Variants in SLC1A2 observed in about 807,000 individuals in gnomAD.
The protein encoded by SLC1A2 is excitatory amino acid transporter 2.
A neutral mutation model predicts 48.8 loss-of-function variants in SLC1A2; 15 were observed. The ratio of observed to expected loss-of-function variants is 0.31; its 90% CI spans 0.21 to 0.47. The LOEUF (loss-of-function observed/expected upper bound fraction) is 0.47, where lower values mean the gene tolerates loss of function less well. Among genes scored for constraint, SLC1A2 ranks in the 20% least tolerant of loss-of-function variants. The probability of loss-of-function intolerance (pLI) is 0.99; values close to 1 mark genes in which losing one functional copy is unlikely to be tolerated. For synonymous variants in SLC1A2, 279 were observed against 272.6 expected (o/e 1.02, Z -0.23); for missense variants, 502 against 730.5 (o/e 0.69, Z 3.61).
At chr11:35,361,524 C>T (rs553173733) in intron 1 of SLC1A2, among the ~76,000 whole-genome samples, 4 of 152,138 alleles carry the variant, frequency 2.6e-5, no homozygotes, top group Admixed American at 1.3e-4. Context: ...CTTTGTTACT[C>T]GCTCCTCCTT....
intron 1 of SLC1A2, among the ~76,000 whole-genome samples, chr11:35,382,217 T>C (rs375195432): frequency 2.0e-5 from 3 of 152,258 alleles, no homozygotes; most frequent in African/African-American, 7.2e-5. Flanking sequence ...CACCACTTGT[T>C]GGACCTTTAC....
intron 1 of SLC1A2, among the ~76,000 whole-genome samples, chr11:35,384,113 G>A (rs917937175): frequency 2.0e-5 from 3 of 152,162 alleles, no homozygotes; most frequent in African/African-American, 7.2e-5. Flanking sequence ...TCACCCTAGT[G>A]CAAATAAAAG....
chr11:35,268,868 C>T (rs1850184372), intron 9 of SLC1A2, among the ~76,000 whole-genome samples: 1 of 152,100 alleles, frequency 6.6e-6, no homozygotes, highest in South Asian at 2.1e-4. Context: ...GGTACCATTC[C>T]AGAATCCACC....
chr11:35,350,233 C>A (rs1853197795), intron 1 of SLC1A2, among the ~76,000 whole-genome samples: 1 of 152,230 alleles, frequency 6.6e-6, no homozygotes, highest in African/African-American at 2.4e-5. Context: ...GCTGAGTGAG[C>A]TTCTGCCTTT....
chr11:35,280,718 T>C, intron 9 of SLC1A2, 149 bp downstream of exon 9: 1 of 552,804 alleles, frequency 1.8e-6, no homozygotes, highest in Non-Finnish European at 3.3e-6. Flanking sequence ...CTCAAATAGG[T>C]CCTCAGTAAA....
At chr11:35,372,875 T>A (rs761378960) in intron 1 of SLC1A2, among the ~76,000 whole-genome samples, 3 of 152,212 alleles carry the variant, frequency 2.0e-5, no homozygotes, top group Non-Finnish European at 2.9e-5. Context: ...ATCCTTAAAA[T>A]AAGTTTGTGA....
intron 1 of SLC1A2, among the ~76,000 whole-genome samples, chr11:35,406,467 T>C (rs940377066): frequency 2.0e-5 from 3 of 152,028 alleles, no homozygotes; most frequent in African/African-American, 7.2e-5. Context: ...GGAAATATTA[T>C]TCAAGCTGAG....
At chr11:35,420,143 T>TTC (rs1855744852), upstream of SLC1A2, 1 of 186,698 alleles carries the variant, frequency 5.4e-6, no homozygotes, top group Non-Finnish European at 1.2e-5. Context: ...GGATTTTTTT[T>TTC]TTTTTTTTTT....
At chr11:35,330,816 C>T (rs1163011238) in intron 1 of SLC1A2, among the ~76,000 whole-genome samples, 1 of 152,198 alleles carries the variant, frequency 6.6e-6, no homozygotes, top group African/African-American at 2.4e-5. Flanking sequence ...AAACAGACTC[C>T]TCCTCCGAGC....
intron 9 of SLC1A2, among the ~76,000 whole-genome samples, chr11:35,279,087 G>A (rs1183931254): frequency 6.6e-6 from 1 of 152,220 alleles, no homozygotes; most frequent in African/African-American, 2.4e-5. Flanking sequence ...ATTTGCTACT[G>A]GCAAGTCAGG....
Position 35,317,358 on chromosome 11 carries a change from G to T in SLC1A2, c.157+19C>A. On this transcript the variant is annotated intron_variant, in intron 2 of 10. Coordinates refer to ENST00000278379, the MANE Select transcript of SLC1A2 (RefSeq NM_004171.4). Reference sequence around the variant, plus strand: ...CCCAGAGAAGAGGGGGCTGGGGGTGGGGTAGTGCAGGTACCTACCAAACAC... The same window carrying T: ...CCCAGAGAAGAGGGGGCTGGGGGTGTGGTAGTGCAGGTACCTACCAAACAC... The T allele has an allele frequency of 6.2e-7, 1 of 1,610,834 alleles. No homozygotes were observed. The highest frequency in any genetic ancestry group is 8.5e-7 in the Non-Finnish European group (1 of 1,177,428).
chr11:35,305,961 G>C (rs1193148508), intron 5 of SLC1A2, 113 bp downstream of exon 5: 2 of 902,972 alleles, frequency 2.2e-6, no homozygotes, highest in Non-Finnish European at 3.3e-6. Flanking sequence ...TCCCCAGAGA[G>C]AGCCTCCTGC....
chr11:35,401,234 G>A (rs1318621343), intron 1 of SLC1A2, among the ~76,000 whole-genome samples: 1 of 152,100 alleles, frequency 6.6e-6, no homozygotes, highest in Non-Finnish European at 1.5e-5. Flanking sequence ...CAGACTCTTA[G>A]TTCTCTCCTG....
chr11:35,366,823 G>T (rs1397285679), intron 1 of SLC1A2, among the ~76,000 whole-genome samples: 1 of 152,180 alleles, frequency 6.6e-6, no homozygotes, highest in Non-Finnish European at 1.5e-5. Flanking sequence ...AGAGAGGTGT[G>T]GCCCTGGCTG....
In SLC1A2 at chr11:35,341,028, T is replaced by G. The variant is rs150282647; in HGVS notation, c.18-23512A>C. Among the ~76,000 whole-genome samples, 4 of 152,302 alleles carry G rather than the reference T, an allele frequency of 2.6e-5. No homozygotes were observed. In the East Asian group the frequency reaches 5.8e-4, roughly 22 times the overall value. The stretch of plus-strand genomic sequence containing the variant: ...ATCTCCCAGACGCCAGGAACTTACA[T>G]AAAACACAGATTGAGTACATTTGGT... On this transcript the variant is annotated intron_variant, in intron 1 of 10. Transcript: ENST00000278379.
chr11:35,295,355 T>C (rs1851139452), intron 6 of SLC1A2, among the ~76,000 whole-genome samples: 2 of 152,220 alleles, frequency 1.3e-5, no homozygotes, highest in Admixed American at 1.3e-4. Context: ...CACCCATTTT[T>C]AAAACAAACA....
intron 1 of SLC1A2, among the ~76,000 whole-genome samples, chr11:35,407,948 C>T (rs954397673): frequency 6.6e-6 from 1 of 152,216 alleles, no homozygotes; most frequent in Admixed American, 6.5e-5. Flanking sequence ...AAGGCCCCGG[C>T]CTGTCATGAC....
intron 1 of SLC1A2, among the ~76,000 whole-genome samples, chr11:35,363,889 G>A (rs76042816): frequency 0.014 from 2,071 of 152,270 alleles, 44 homozygotes; most frequent in African/African-American, 0.048. Flanking sequence ...ACCAGGACAC[G>A]GAGGTGTACA....
chr11:35,297,091 C>T lies in SLC1A2; in HGVS notation c.857+4428G>A, dbSNP rs532149698. Among the ~76,000 whole-genome samples, 14 of 152,166 alleles carry T rather than the reference C, an allele frequency of 9.2e-5. No homozygotes were observed. The East Asian group carries it at 9.7e-4, about 10-fold the overall frequency. On this transcript the variant is annotated intron_variant, in intron 6 of 10. Coordinates refer to ENST00000278379, the MANE Select transcript of SLC1A2 (RefSeq NM_004171.4). ...TTTGTTTGACCAAACTTCAGTTAGG[C>T]GTCTGAACCTTCTTCTGGCCTCTTC...
Sources: gnomAD v4.1 joint callset for allele counts (sites outside exome capture counted in the v4.1 genomes callset) on GRCh38, gnomAD v4.1.1 for gene constraint, MANE v1.5 for transcripts, NCBI Gene and HGNC (gene_info 2026-07-23, HGNC 2026-07-21) for gene names.